Variants in USP25 observed in about 807,000 individuals in gnomAD.
USP25 encodes ubiquitin specific peptidase 25.
Under a neutral mutation model 158.5 loss-of-function variants are expected in USP25, and 85 were observed. The observed-to-expected ratio is 0.54, with a 90% CI of 0.45 to 0.64. The LOEUF (loss-of-function observed/expected upper bound fraction) is 0.64. Ranked by LOEUF, USP25 falls within the 30% of genes least tolerant of loss-of-function variation. The pLI is 0.00. For synonymous variants in USP25, 464 were observed against 460.4 expected, an observed-to-expected ratio of 1.01 and a Z score of -0.10; for missense variants, 1,242 against 1,327.3, an observed-to-expected ratio of 0.94 and a Z score of 1.00.
rs750486715 is a variant in USP25, at chr21:15,730,356, G to GCGCCACCGCCGC, written c.-33_-22dup. ...GGCCGGCGGAGGCGCGAGGAGCCGG[G>GCGCCACCGCCGC]CGCCACCGCCGCCGCCGCCGCCGCC... On this transcript the variant is annotated 5_prime_UTR_variant, in exon 1 of 26. Coordinates refer to ENST00000400183, the MANE Select transcript of USP25 (RefSeq NM_001283041.3). The GCGCCACCGCCGC allele has an allele frequency of 4.3e-6, 5 of 1,171,380 alleles. No individual in the cohort carries two copies. The highest frequency in any genetic ancestry group is 8.2e-5 in the South Asian group (2 of 24,364). 72.6% of individuals were successfully genotyped at this position (1,171,380 alleles called of 1,614,324 possible).
At position 15,837,939 on chromosome 21, in the gene USP25, T is replaced by C. The variant is rs560082468; in HGVS notation, c.2194+4391T>C. Among the ~76,000 whole-genome samples, 73 of 151,932 alleles carry C rather than the reference T, an allele frequency of 4.8e-4. No homozygotes were observed. In the Middle Eastern group the frequency reaches 0.01, roughly 21 times the overall value. Reference sequence around the variant, plus strand: ...CCTTGAAAGCAGGAACTAGGTGATATTCTTTTTTTTTTTTCTGAGACAGTT... The same window carrying C: ...CCTTGAAAGCAGGAACTAGGTGATACTCTTTTTTTTTTTTCTGAGACAGTT... On this transcript the variant is annotated intron_variant, in intron 17 of 25. Coordinates refer to ENST00000400183, the MANE Select transcript of USP25 (RefSeq NM_001283041.3).
chr21:15,759,409 G>A (rs916797405), intron 1 of USP25, among the ~76,000 whole-genome samples: 1 of 152,130 alleles, frequency 6.6e-6, no homozygotes, highest in Non-Finnish European at 1.5e-5. Flanking sequence ...GTCTAAGGTG[G>A]TTGGGGTACA....
intron 4 of USP25, among the ~76,000 whole-genome samples, chr21:15,782,106 C>T (rs983067933): frequency 2.6e-5 from 4 of 152,218 alleles, no homozygotes. Flanking sequence ...TACCTAAACC[C>T]ACAAGGCTCC....
intron 9 of USP25, among the ~76,000 whole-genome samples, chr21:15,813,584 T>A (rs368035954): frequency 6.6e-5 from 10 of 152,292 alleles, no homozygotes; most frequent in Middle Eastern, 3.4e-3. Flanking sequence ...ACTCAGACCT[T>A]ACTTCATTCG....
intron 9 of USP25, among the ~76,000 whole-genome samples, chr21:15,813,398 T>C (rs2036772672): frequency 6.6e-6 from 1 of 152,208 alleles, no homozygotes; most frequent in East Asian, 1.9e-4. Flanking sequence ...TAGTTTTGTA[T>C]CATATTCTAA....
chr21:15,836,333 G>A (rs1360635371), intron 17 of USP25, among the ~76,000 whole-genome samples: 2 of 152,106 alleles, frequency 1.3e-5, no homozygotes, highest in Admixed American at 6.5e-5. Context: ...AAATGTGATC[G>A]AGAAATTCAT....
chr21:15,830,748 A>G (rs1244687785), intron 15 of USP25, 147 bp downstream of exon 15: 3 of 579,864 alleles, frequency 5.2e-6, no homozygotes, highest in African/African-American at 1.9e-5. Flanking sequence ...AGGGCTTGCA[A>G]TATGTACAAT....
At position 15,756,053 on chromosome 21, in the gene USP25, T is replaced by C. The variant is rs529126086; in HGVS notation, c.46-6838T>C. On this transcript the variant is annotated intron_variant, in intron 1 of 25. Coordinates refer to ENST00000400183, the MANE Select transcript of USP25 (RefSeq NM_001283041.3). Reference sequence around the variant, plus strand: ...ACAAAAGTTGTCTTTGTTATATAGATAAAGTCTCTGAGGTAAGAAATAGCC... The same window carrying C: ...ACAAAAGTTGTCTTTGTTATATAGACAAAGTCTCTGAGGTAAGAAATAGCC... 1.3e-4 allele frequency among the ~76,000 whole-genome samples: 20 copies of C among 152,250 alleles called. No individual in the cohort carries two copies. The South Asian group carries it at 3.9e-3, about 30-fold the overall frequency.
At chr21:15,829,144 A>T (rs2037674912) in intron 14 of USP25, among the ~76,000 whole-genome samples, 1 of 152,114 alleles carries the variant, frequency 6.6e-6, no homozygotes, top group Non-Finnish European at 1.5e-5. Context: ...ATACATATTT[A>T]TACACTTCTG....
chr21:15,742,210 T>C (rs1229232255), intron 1 of USP25, among the ~76,000 whole-genome samples: 1 of 152,032 alleles, frequency 6.6e-6, no homozygotes, highest in African/African-American at 2.4e-5. Context: ...TTGTTGTTGC[T>C]GTTCAGTCTG....
At position 15,878,042 on chromosome 21, in the gene USP25, G is replaced by A. The variant is rs374861918; in HGVS notation, c.3205+51G>A. ...ACCTGAGATGTCCGGATTAAATGCAGTTAGAATTAGATGTTATTTATTCTT... is the reference window on the plus strand; with the variant it reads ...ACCTGAGATGTCCGGATTAAATGCAATTAGAATTAGATGTTATTTATTCTT... On this transcript the variant is annotated intron_variant, in intron 25 of 25. Transcript: ENST00000400183. 2.1e-5 allele frequency: 30 copies of A among 1,425,970 alleles called. No individual in the cohort carries two copies. In the African/African-American group the frequency reaches 3.8e-4, roughly 18 times the overall value. The allele number at this position is 1,425,970 out of a possible 1,614,324, so 88.3% of individuals were successfully genotyped here.
chr21:15,732,722 A>G (rs1194649112), intron 1 of USP25, among the ~76,000 whole-genome samples: 2 of 152,160 alleles, frequency 1.3e-5, no homozygotes, highest in African/African-American at 4.8e-5. Context: ...GATTTTTAAA[A>G]CTTTTATTTT....
At chr21:15,830,089 C>T (rs1318859222) in intron 14 of USP25, among the ~76,000 whole-genome samples, 3 of 152,072 alleles carry the variant, frequency 2.0e-5, no homozygotes, top group African/African-American at 7.2e-5. Flanking sequence ...AAATAATTGT[C>T]ATGGGAGTGC....
chr21:15,785,709 G>A (rs1490414949), intron 4 of USP25, among the ~76,000 whole-genome samples: 1 of 152,074 alleles, frequency 6.6e-6, no homozygotes, highest in Non-Finnish European at 1.5e-5. Flanking sequence ...TCAGAAATGA[G>A]GAAAGATTTC....
intron 4 of USP25, among the ~76,000 whole-genome samples, chr21:15,781,481 A>C (rs188889472): frequency 2.6e-5 from 4 of 152,290 alleles, no homozygotes; most frequent in African/African-American, 9.6e-5. Flanking sequence ...TGATGTCAGC[A>C]AGATCGCCAA....
At chr21:15,836,486 G>C (rs1013347326) in intron 17 of USP25, among the ~76,000 whole-genome samples, 25 of 152,138 alleles carry the variant, frequency 1.6e-4, no homozygotes, top group Admixed American at 1.5e-3. Flanking sequence ...GAGATTTTCA[G>C]CCAGCCATTC....
intron 7 of USP25, among the ~76,000 whole-genome samples, chr21:15,808,415 A>G (rs965020898): frequency 6.6e-6 from 1 of 152,236 alleles, no homozygotes; most frequent in African/African-American, 2.4e-5. Context: ...GAAGCCAGTC[A>G]TAATTCTTTA....
chr21:15,795,280 T>G (rs146948004), intron 5 of USP25, among the ~76,000 whole-genome samples: 16 of 151,758 alleles, frequency 1.1e-4, no homozygotes, highest in Admixed American at 7.2e-4. Flanking sequence ...ACTTTGTAAA[T>G]GTTACAGTGA....
chr21:15,826,523 GTTTT>G lies in USP25; in HGVS notation c.1466+162_1466+165del, dbSNP rs755308778. Among the ~76,000 whole-genome samples, 1 of 152,052 alleles carries G rather than the reference GTTTT, an allele frequency of 6.6e-6. No homozygotes were observed. Among genetic ancestry groups the G allele is most frequent in the African/African-American group, 2.4e-5 (1 of 41,410 alleles). On this transcript the variant is annotated intron_variant, in intron 13 of 25. Transcript: ENST00000400183. This position sits in a 1 kb window ranked among gnomAD's most constrained non-coding sequence, Gnocchi z 4.8. Reference sequence around the variant, plus strand: ...TTAGAAGACTGTATGTCCTCTGGGAGTTTTTTTATTATTTCAGTAGATTTTATGG... The same window carrying G: ...TTAGAAGACTGTATGTCCTCTGGGAGTTTATTATTTCAGTAGATTTTATGG...
Sources: gnomAD v4.1 joint callset for allele counts (sites outside exome capture counted in the v4.1 genomes callset) on GRCh38, gnomAD v4.1.1 for gene constraint, Gnocchi (gnomAD v3.1) non-coding constraint, MANE v1.5 for transcripts, NCBI Gene and HGNC (gene_info 2026-07-23, HGNC 2026-07-21) for gene names.